The following GDF5 variants were observed in gnomAD, a reference collection of about 807,000 sequenced individuals.
GDF5 encodes the protein growth/differentiation factor 5.
In GDF5, 17 loss-of-function variants were observed where a neutral mutation model predicts 34.6. That is an observed-to-expected ratio of 0.49 (90% confidence interval 0.34 to 0.74). The LOEUF is 0.74. GDF5 is among the 30% of genes least tolerant of loss of function. The pLI is 0.01. For synonymous variants in GDF5, 332 were observed against 290.7 expected (o/e 1.14, Z -1.44); for missense variants, 616 against 661.2 (o/e 0.93, Z 0.75).
At chr20:35,438,363 C>CACACACAT, upstream of GDF5, 1 of 172,820 alleles carries the variant, frequency 5.8e-6, no homozygotes, top group South Asian at 1.3e-4. Flanking sequence ...ATACTTCACA[C>CACACACAT]ACACACACAC....
chr20:35,444,244 C>T (rs768896417), intron 1 of GDF5, among the ~76,000 whole-genome samples: 3 of 152,132 alleles, frequency 2.0e-5, no homozygotes, highest in Non-Finnish European at 4.4e-5. Flanking sequence ...GACAGAGGAA[C>T]AAACACATAA....
upstream of GDF5, among the ~76,000 whole-genome samples, chr20:35,439,124 C>CCCA (rs1441182349): frequency 2.0e-5 from 3 of 151,850 alleles, no homozygotes; most frequent in Non-Finnish European, 4.4e-5. Flanking sequence ...CAGGGTGTAC[C>CCCA]CCACCACCAC....
At chr20:35,454,127 T>C (rs757522747) in intron 1 of GDF5, 43 of 422,350 alleles carry the variant, frequency 1.0e-4, no homozygotes, top group Non-Finnish European at 9.8e-6. Context: ...GGCAGGTAAA[T>C]GGAGTTTACA....
Position 35,434,038 on chromosome 20 carries a change from C to G in GDF5, c.1377G>C (p.Glu459Asp), listed in dbSNP as rs770763820. 10 of 1,611,508 alleles carry G rather than the reference C, an allele frequency of 6.2e-6. No individual in the cohort carries two copies. The highest frequency in any genetic ancestry group is 5.9e-6 in the Non-Finnish European group (7 of 1,179,068). Residue 459 changes from glutamate to aspartate, a missense_variant, in exon 2 of 2, where the codon GAG becomes GAC. Coordinates refer to ENST00000374369, the MANE Select transcript of GDF5 (RefSeq NM_000557.5). ...GCACACAGCAGGTGGGTGGTGTGGA[C>G]TCGGGGTCCATGGAGTTCATCAGGG... ...IQTLMNSMDP[E>D]STPPTCCVPT...
intron 1 of GDF5, 68 bp downstream of exon 1, chr20:35,437,230 T>C: frequency 1.7e-6 from 2 of 1,173,262 alleles, no homozygotes; most frequent in Non-Finnish European, 2.5e-6. Context: ...GCCAGGGCTT[T>C]GAAAGCCCCT....
intron 1 of GDF5, chr20:35,453,899 C>T (rs1249430763): frequency 1.9e-6 from 1 of 534,406 alleles, no homozygotes; most frequent in Middle Eastern, 3.2e-4. Context: ...GTCAGATGAC[C>T]AAATTACAGT....
upstream of GDF5, among the ~76,000 whole-genome samples, chr20:35,439,289 A>G (rs1281718815): frequency 2.8e-5 from 4 of 142,356 alleles, no homozygotes; most frequent in Non-Finnish European, 6.0e-5. Context: ...GTGCAGTGGC[A>G]TGATCTCAGC....
At position 35,434,728 on chromosome 20, in the gene GDF5, C is replaced by T. The variant is rs749921368; in HGVS notation, c.687G>A (p.Leu229=). ...CGGCCCCCAGCAGCCCATCCTTCTC[C>T]AGGGCACTAATGTCAAACACGTACC... The part of the protein sequence containing the change: ...KQRYVFDISA[L]EKDGLLGAEL... Residue 229 remains leucine (L), a synonymous_variant, in exon 2 of 2, where the codon CTG becomes CTA. Transcript: ENST00000374369. 2.5e-6 allele frequency: 4 copies of T among 1,611,500 alleles called. No individual in the cohort carries two copies. Among genetic ancestry groups the T allele is most frequent in the Middle Eastern group, 1.6e-4 (1 of 6,062 alleles).
chr20:35,437,289 C>T lies in GDF5; in HGVS notation c.631+9G>A, dbSNP rs1315866763. The T allele has an allele frequency of 6.3e-7, 1 of 1,599,212 alleles. No homozygotes were observed. The highest frequency in any genetic ancestry group is 8.6e-7 in the Non-Finnish European group (1 of 1,168,776). ...TCTGAGCCGTGCCCCTGCCACCCCG[C>T]CCCCTCACCTTGCCCTTTGTCAATA... is the stretch of plus-strand genomic sequence containing the variant. On this transcript the variant is annotated intron_variant, in intron 1 of 1. Coordinates refer to ENST00000374369, the MANE Select transcript of GDF5 (RefSeq NM_000557.5).
chr20:35,453,241 C>A (rs575755904), intron 1 of GDF5, among the ~76,000 whole-genome samples: 2 of 152,116 alleles, frequency 1.3e-5, no homozygotes, highest in African/African-American at 4.8e-5. Context: ...CAAAGCAAGA[C>A]CCCGTCTCAA....
chr20:35,436,344 C>T (rs967429241), intron 1 of GDF5, among the ~76,000 whole-genome samples: 3 of 151,816 alleles, frequency 2.0e-5, no homozygotes, highest in Non-Finnish European at 2.9e-5. Context: ...CTGGCAGCCC[C>T]CTCCAGGCCA....
chr20:35,452,479 A>G (rs769461435), intron 1 of GDF5, among the ~76,000 whole-genome samples: 6 of 152,144 alleles, frequency 3.9e-5, no homozygotes, highest in Non-Finnish European at 8.8e-5. Flanking sequence ...CTAGAGCACA[A>G]TGGTGCAATC....
chr20:35,451,055 A>T (rs1350675548), intron 1 of GDF5, among the ~76,000 whole-genome samples: 698 of 3,188 alleles, frequency 0.22, 79 homozygotes, highest in East Asian at 0.53. Flanking sequence ...AAAAAAAAAA[A>T]AAAAAAAAAA....
At chr20:35,453,819 A>C (rs2062548491) in intron 1 of GDF5, 1 of 470,470 alleles carries the variant, frequency 2.1e-6, no homozygotes, top group Non-Finnish European at 4.4e-6. Context: ...CGAGCTATCC[A>C]CTCATTCACC....
intron 1 of GDF5, among the ~76,000 whole-genome samples, chr20:35,445,315 G>C (rs1457670936): frequency 6.6e-6 from 1 of 152,066 alleles, no homozygotes; most frequent in Admixed American, 6.6e-5. Context: ...AGGATTGCTT[G>C]AGCCCAGTAG....
At chr20:35,449,611 T>C (rs2062524352) in intron 1 of GDF5, among the ~76,000 whole-genome samples, 1 of 152,212 alleles carries the variant, frequency 6.6e-6, no homozygotes, top group African/African-American at 2.4e-5. Context: ...GTTCATTTAT[T>C]ATTGTTCTTT....
chr20:35,437,880 G>A lies in GDF5; in HGVS notation c.49C>T (p.Leu17=), dbSNP rs770917734. 4 of 1,614,078 alleles carry A rather than the reference G, an allele frequency of 2.5e-6. No homozygotes were observed. The South Asian group carries it at 3.3e-5, about 13-fold the overall frequency. ...ACAGTGCAGATGAATTCCAGGTCCA[G>A]CCAAGCCAGGTACCAAAGCAAGAAA... ...LTFLLWYLAW[L]DLEFICTVLG... The change falls in exon 1 of 2, where the codon CTG becomes TTG. Residue 17 remains leucine, a synonymous_variant. Transcript: ENST00000374369.
At chr20:35,451,571 GT>G (rs370961300) in intron 1 of GDF5, among the ~76,000 whole-genome samples, 6 of 143,306 alleles carry the variant, frequency 4.2e-5, no homozygotes, top group East Asian at 4.0e-4. Context: ...TTTTTTTTCT[GT>G]TTTTTTTTCC....
At chr20:35,450,103 G>T (rs2062525957) in intron 1 of GDF5, among the ~76,000 whole-genome samples, 1 of 149,906 alleles carries the variant, frequency 6.7e-6, no homozygotes, top group African/African-American at 2.5e-5. Context: ...AGGAATTCAA[G>T]ACCAGCCTCG....
Sources: allele counts gnomAD v4.1 joint callset (sites outside exome capture counted in the v4.1 genomes callset), GRCh38; gene constraint gnomAD v4.1.1; transcripts MANE v1.5; gene names NCBI Gene and HGNC (gene_info 2026-07-23, HGNC 2026-07-21).